The following TLK2 variants were observed in gnomAD, a reference collection of about 807,000 sequenced individuals.
The protein encoded by TLK2 is serine/threonine-protein kinase tousled-like 2.
In TLK2, 6 loss-of-function variants were observed where a neutral mutation model predicts 117.3. The observed-to-expected ratio is 0.05, with a 90% confidence interval of 0.03 to 0.10. The LOEUF (loss-of-function observed/expected upper bound fraction) is 0.10. Ranked by LOEUF, TLK2 falls within the 10% of genes least tolerant of loss-of-function variation. The pLI, the probability that TLK2 is intolerant of heterozygous loss-of-function variation, is 1.00. For synonymous variants in TLK2, 257 were observed against 316.7 expected, an observed-to-expected ratio of 0.81 and a Z score of 2.00; for missense variants, 299 against 901.2, an observed-to-expected ratio of 0.33 and a Z score of 8.56.
rs777779302 is a variant in TLK2, at chr17:62,549,398, CAAAAAAAA to C, written c.532-2872_532-2865del. On this transcript the variant is annotated intron_variant, in intron 7 of 21. Transcript: ENST00000346027. ...TAAGTGACAGAGCAAGACTCCATCTCAAAAAAAAAAAAAAAAAAAAAAAAAAAAAAAAA... is the reference window on the plus strand; with the variant it reads ...TAAGTGACAGAGCAAGACTCCATCTCAAAAAAAAAAAAAAAAAAAAAAAAA... Among the ~76,000 whole-genome samples the C allele has an allele frequency of 3.2e-4, 12 of 37,102 alleles. No homozygotes were observed. In the East Asian group the frequency reaches 0.015, roughly 47 times the overall value. 24.3% of individuals were successfully genotyped at this position (37,102 alleles called of 152,430 possible).
At chr17:62,503,885 C>T (rs1413145945) in intron 2 of TLK2, among the ~76,000 whole-genome samples, 1 of 151,846 alleles carries the variant, frequency 6.6e-6, no homozygotes, top group African/African-American at 2.4e-5. Context: ...TGTGCCACCA[C>T]CCCAGCTAAT....
At chr17:62,519,378 T>G (rs138024689) in intron 2 of TLK2, among the ~76,000 whole-genome samples, 2 of 152,348 alleles carry the variant, frequency 1.3e-5, no homozygotes, top group East Asian at 3.9e-4. Flanking sequence ...ATTCCATTGA[T>G]CTAACCTTAT....
chr17:62,524,071 A>T (rs1189388245), intron 5 of TLK2, among the ~76,000 whole-genome samples, 165 bp from the exon 6 acceptor site: 1 of 151,596 alleles, frequency 6.6e-6, no homozygotes, highest in Non-Finnish European at 1.5e-5. Flanking sequence ...TCTCATTAAA[A>T]ATTAGCAGAA....
At chr17:62,523,487 G>C (rs985268102) in intron 5 of TLK2, among the ~76,000 whole-genome samples, 1 of 152,198 alleles carries the variant, frequency 6.6e-6, no homozygotes, top group Non-Finnish European at 1.5e-5. Flanking sequence ...GGCTGAGGTG[G>C]GAGGATCACT....
chr17:62,536,235 G>A lies in TLK2; in HGVS notation c.429G>A (p.Gln143=), dbSNP rs2077104938. 1 of 1,613,008 alleles carries A rather than the reference G, an allele frequency of 6.2e-7. No homozygotes were observed. The highest frequency in any genetic ancestry group is 1.7e-5 in the Admixed American group (1 of 59,988). The change falls in exon 7 of 22, where the codon CAG becomes CAA. Residue 143 remains glutamine (Q), a synonymous_variant. Coordinates refer to ENST00000346027, the MANE Select transcript of TLK2 (RefSeq NM_006852.6). ...GSAAKEATEE[Q]SALPTLMSVM... Reference sequence around the variant, plus strand: ...CTGCAAAGGAGGCAACGGAGGAGCAGTCTGCTCTGCCAACCCTCATGTCAG... The same window carrying A: ...CTGCAAAGGAGGCAACGGAGGAGCAATCTGCTCTGCCAACCCTCATGTCAG...
At chr17:62,486,220 G>C (rs1463211180) in intron 2 of TLK2, among the ~76,000 whole-genome samples, 1 of 150,866 alleles carries the variant, frequency 6.6e-6, no homozygotes, top group South Asian at 2.1e-4. Flanking sequence ...GCAGTGGCGC[G>C]ATCTCGGCTC....
intron 16 of TLK2, among the ~76,000 whole-genome samples, chr17:62,589,908 G>A (rs1343925362): frequency 6.6e-6 from 1 of 151,742 alleles, no homozygotes; most frequent in Non-Finnish European, 1.5e-5. Context: ...CTGGGTTCAC[G>A]CCATTCTCCT....
At chr17:62,501,210 C>G (rs1380741087) in intron 2 of TLK2, among the ~76,000 whole-genome samples, 3 of 151,954 alleles carry the variant, frequency 2.0e-5, no homozygotes, top group Non-Finnish European at 2.9e-5. Flanking sequence ...TACACTCCAG[C>G]CTGGGTGACA....
chr17:62,574,906 A>G (rs1438078568), intron 12 of TLK2, among the ~76,000 whole-genome samples: 1 of 152,204 alleles, frequency 6.6e-6, no homozygotes, highest in African/African-American at 2.4e-5. Flanking sequence ...AAGAGTATTG[A>G]GTCTTAAATA....
intron 6 of TLK2, among the ~76,000 whole-genome samples, chr17:62,535,565 G>A (rs1163903624): frequency 5.9e-5 from 9 of 151,926 alleles, no homozygotes; most frequent in African/African-American, 1.9e-4. Context: ...TCAGGAGTTC[G>A]AGACCAGCCT....
intron 6 of TLK2, among the ~76,000 whole-genome samples, chr17:62,528,295 T>G (rs970836801): frequency 3.3e-5 from 5 of 152,228 alleles, no homozygotes; most frequent in African/African-American, 7.2e-5. Flanking sequence ...TATTTTGTAT[T>G]TGTGTTAAAT....
At chr17:62,570,608 G>A (rs1288768415) in intron 11 of TLK2, among the ~76,000 whole-genome samples, 1 of 152,054 alleles carries the variant, frequency 6.6e-6, no homozygotes, top group African/African-American at 2.4e-5. Flanking sequence ...AACAGTTTCA[G>A]GAACATCAAG....
At position 62,614,793 on chromosome 17, in the gene TLK2, A is replaced by G. The variant is rs1009060815; in HGVS notation, c.*2228A>G. 2 of 152,196 alleles carry G rather than the reference A, an allele frequency of 1.3e-5. No individual in the cohort carries two copies. Among genetic ancestry groups the G allele is most frequent in the Non-Finnish European group, 2.9e-5 (2 of 68,046 alleles). The allele number at this position is 152,196 out of a possible 1,614,324, so 9.4% of individuals were successfully genotyped here. On this transcript the variant is annotated 3_prime_UTR_variant, in exon 22 of 22. Coordinates refer to ENST00000346027, the MANE Select transcript of TLK2 (RefSeq NM_006852.6). Reference sequence around the variant, plus strand: ...CTTTTTTAAAAAAACATTTCCTCCAAGCTGCTAAGCAAAGGGTCTCACAGG... The same window carrying G: ...CTTTTTTAAAAAAACATTTCCTCCAGGCTGCTAAGCAAAGGGTCTCACAGG...
intron 6 of TLK2, among the ~76,000 whole-genome samples, chr17:62,531,622 G>T (rs1397247214): frequency 6.6e-6 from 1 of 151,472 alleles, no homozygotes; most frequent in African/African-American, 2.4e-5. Flanking sequence ...ATTTTTTGGG[G>T]GGTTTCTTCA....
At chr17:62,611,322 T>G (rs761112660) in intron 21 of TLK2, among the ~76,000 whole-genome samples, 8 of 152,224 alleles carry the variant, frequency 5.3e-5, no homozygotes, top group Non-Finnish European at 7.3e-5. Flanking sequence ...GTCTTTAATT[T>G]TGAAAAACCA....
intron 1 of TLK2, among the ~76,000 whole-genome samples, chr17:62,473,479 G>T (rs2144193858): frequency 2.6e-5 from 4 of 152,286 alleles, no homozygotes; most frequent in Middle Eastern, 6.8e-3. Context: ...TACACAAAGG[G>T]AGTTGAGAAA....
intron 15 of TLK2, among the ~76,000 whole-genome samples, chr17:62,585,218 G>A (rs1163069955): frequency 4.6e-5 from 7 of 152,136 alleles, no homozygotes; most frequent in Non-Finnish European, 8.8e-5. Context: ...AGTGACTTGG[G>A]GTGACTAACT....
In TLK2 at chr17:62,613,158, C is replaced by T. The variant is rs1376439163; in HGVS notation, c.*593C>T. Reference sequence around the variant, plus strand: ...TTTTAAAAACATGCAGCTTCCCTCTCCCCTTTTTTATTTTTGAAAGAATAC... The same window carrying T: ...TTTTAAAAACATGCAGCTTCCCTCTTCCCTTTTTTATTTTTGAAAGAATAC... On this transcript the variant is annotated 3_prime_UTR_variant, in exon 22 of 22. Transcript: ENST00000346027. 6.6e-6 allele frequency: 1 copy of T among 152,632 alleles called. No homozygotes were observed. The highest frequency in any genetic ancestry group is 1.5e-5 in the Non-Finnish European group (1 of 68,038). 9.5% of individuals were successfully genotyped at this position (152,632 alleles called of 1,614,324 possible). A position where few individuals can be genotyped will look rare whatever the true frequency, so the allele number is the denominator to read the frequency against.
At chr17:62,523,229 CTA>C (rs2076160643) in intron 5 of TLK2, 52 bp downstream of exon 5, 1 of 1,572,932 alleles carries the variant, frequency 6.4e-7, no homozygotes, top group African/African-American at 1.4e-5. Flanking sequence ...CAAAAAAACT[CTA>C]TAGTGATTTT....
Sources: allele counts gnomAD v4.1 joint callset (sites outside exome capture counted in the v4.1 genomes callset), GRCh38; gene constraint gnomAD v4.1.1; transcripts MANE v1.5; gene names NCBI Gene and HGNC (gene_info 2026-07-23, HGNC 2026-07-21).